The following GSE1 variants were observed in gnomAD, a reference collection of about 807,000 sequenced individuals.
The protein encoded by GSE1 is genetic suppressor element 1.
Under a neutral mutation model 112.6 loss-of-function variants are expected in GSE1, and 32 were observed. The observed-to-expected ratio is 0.28, with a 90% CI of 0.21 to 0.38. The LOEUF (loss-of-function observed/expected upper bound fraction) is 0.38. Among genes scored for constraint, GSE1 ranks in the 10% least tolerant of loss-of-function variants. GSE1 has a pLI of 1.00. For missense variants in GSE1, 2,348 were observed against 1,699.2 expected, an observed-to-expected ratio of 1.38 and a Z score of -6.71; for synonymous variants, 1,115 against 735.6, an observed-to-expected ratio of 1.52 and a Z score of -8.35.
intron 9 of GSE1, chr16:85,662,705 C>A: frequency 2.2e-6 from 1 of 456,786 alleles, no homozygotes; most frequent in Admixed American, 3.8e-5. Flanking sequence ...GAATGGTTCC[C>A]TGCCAGGGGG....
At chr16:85,659,126 C>T (rs1186782256) in intron 8 of GSE1, among the ~76,000 whole-genome samples, 2 of 152,220 alleles carry the variant, frequency 1.3e-5, no homozygotes, top group Non-Finnish European at 2.9e-5. Flanking sequence ...TCCTGTGGTT[C>T]CCTGTTGTAT....
At chr16:85,239,181 C>T (rs1440786451) in intron 1 of GSE1, among the ~76,000 whole-genome samples, 4 of 152,206 alleles carry the variant, frequency 2.6e-5, no homozygotes, top group African/African-American at 9.6e-5. Context: ...ATCCACCCAC[C>T]TCTGCCTCCC....
chr16:85,470,695 G>A (rs1220006667), intron 2 of GSE1, among the ~76,000 whole-genome samples: 1 of 152,218 alleles, frequency 6.6e-6, no homozygotes, highest in Non-Finnish European at 1.5e-5. Context: ...GAGCAGGTGC[G>A]CTTGCAGCCA....
chr16:85,236,689 G>A (rs967569196), intron 1 of GSE1, among the ~76,000 whole-genome samples: 1 of 152,192 alleles, frequency 6.6e-6, no homozygotes, highest in East Asian at 1.9e-4. Flanking sequence ...AGCCATTGAA[G>A]GTTCCTGAGC....
At chr16:85,189,423 CTGTGGGAG>C (rs1301692054) in intron 1 of GSE1, among the ~76,000 whole-genome samples, 2 of 152,178 alleles carry the variant, frequency 1.3e-5, no homozygotes, top group African/African-American at 4.8e-5. Context: ...TCCTTGCCAG[CTGTGGGAG>C]TGGCATTCCT....
At chr16:85,248,991 G>A (rs999721506) in intron 1 of GSE1, among the ~76,000 whole-genome samples, 22 of 152,196 alleles carry the variant, frequency 1.4e-4, no homozygotes, top group African/African-American at 4.8e-4. Context: ...AACTTGGGGC[G>A]GGGGAGACAC....
chr16:85,580,274 G>A (rs1598264822), intron 1 of GSE1: 1 of 152,562 alleles, frequency 6.6e-6, no homozygotes, highest in African/African-American at 2.4e-5. Flanking sequence ...TGATGTTCCA[G>A]TCTCACAGTG....
chr16:85,245,517 T>C (rs1477973516), intron 1 of GSE1, among the ~76,000 whole-genome samples: 1 of 152,230 alleles, frequency 6.6e-6, no homozygotes, highest in Non-Finnish European at 1.5e-5. Flanking sequence ...AAGGAGCTTC[T>C]TCCTGACTGG....
chr16:85,482,481 A>G (rs1483824595), intron 2 of GSE1, among the ~76,000 whole-genome samples: 1 of 145,836 alleles, frequency 6.9e-6, no homozygotes, highest in Non-Finnish European at 1.5e-5. Flanking sequence ...CGGGTCCCTC[A>G]GCCTCCACGT....
At chr16:85,524,612 G>A (rs924813398) in intron 2 of GSE1, among the ~76,000 whole-genome samples, 5 of 152,142 alleles carry the variant, frequency 3.3e-5, no homozygotes, top group Non-Finnish European at 7.4e-5. Context: ...TGGGCCGGGA[G>A]GGGCTGTCAG....
intron 1 of GSE1, among the ~76,000 whole-genome samples, chr16:85,199,244 A>G (rs1006953536): frequency 6.6e-6 from 1 of 152,016 alleles, no homozygotes. Flanking sequence ...GGCATGAGCC[A>G]CCGTGCCCCG....
At chr16:85,630,115 G>A (rs923720693) in intron 1 of GSE1, among the ~76,000 whole-genome samples, 1 of 152,192 alleles carries the variant, frequency 6.6e-6, no homozygotes, top group African/African-American at 2.4e-5. Context: ...TTGGTTCTTT[G>A]AAATGTGGGT....
At chr16:85,403,038 G>T (rs755213365) in intron 2 of GSE1, among the ~76,000 whole-genome samples, 11 of 152,102 alleles carry the variant, frequency 7.2e-5, no homozygotes, top group Non-Finnish European at 1.5e-4. Context: ...GCCTTCCCCA[G>T]CTGAAGGCTT....
intron 1 of GSE1, among the ~76,000 whole-genome samples, chr16:85,308,703 G>T (rs543011759): frequency 6.6e-6 from 1 of 152,008 alleles, no homozygotes; most frequent in Non-Finnish European, 1.5e-5. Context: ...GAAGGCTCTC[G>T]CTCTGTCAGT....
chr16:85,569,566 C>T (rs955776005), intron 1 of GSE1, among the ~76,000 whole-genome samples: 2 of 152,192 alleles, frequency 1.3e-5, no homozygotes, highest in Admixed American at 6.5e-5. Context: ...TCAGGAAGGG[C>T]GGACTTGCTC....
At chr16:85,212,419 C>G (rs1223989042) in intron 1 of GSE1, among the ~76,000 whole-genome samples, 1 of 151,858 alleles carries the variant, frequency 6.6e-6, no homozygotes, top group Non-Finnish European at 1.5e-5. Flanking sequence ...AAAAACAAAA[C>G]AAAAAAACAA....
At chr16:85,532,054 C>T (rs1021521350) in intron 2 of GSE1, among the ~76,000 whole-genome samples, 1 of 152,082 alleles carries the variant, frequency 6.6e-6, no homozygotes, top group Non-Finnish European at 1.5e-5. Flanking sequence ...GCTCTGAGCG[C>T]GTTGTATACA....
At chr16:85,642,250 G>A (rs1316993692) in intron 2 of GSE1, among the ~76,000 whole-genome samples, 2 of 152,248 alleles carry the variant, frequency 1.3e-5, no homozygotes, top group African/African-American at 2.4e-5. Context: ...GGTTGAGGCT[G>A]CAGTGAGGCA....
At chr16:85,334,766 G>T (rs776141424) in intron 1 of GSE1, among the ~76,000 whole-genome samples, 19 of 152,174 alleles carry the variant, frequency 1.2e-4, no homozygotes, top group Non-Finnish European at 2.2e-4. Context: ...TACTTCATCA[G>T]CGTATTCACT....
Sources: gnomAD v4.1 joint callset for allele counts (sites outside exome capture counted in the v4.1 genomes callset) on GRCh38, gnomAD v4.1.1 for gene constraint, MANE v1.5 for transcripts, NCBI Gene and HGNC (gene_info 2026-07-23, HGNC 2026-07-21) for gene names.